NKAIN3: variants seen among roughly 807,000 people sequenced by gnomAD.
NKAIN3 encodes the protein sodium/potassium-transporting ATPase subunit beta-1-interacting protein 3.
A neutral mutation model predicts 30.2 loss-of-function variants in NKAIN3; 25 were observed. The ratio of observed to expected loss-of-function variants is 0.83; its 90% CI spans 0.60 to 1.16. The LOEUF is 1.16. NKAIN3 is among the 50% of genes most tolerant of loss of function. The pLI is 0.00. For synonymous variants in NKAIN3, 91 were observed against 89.6 expected (o/e 1.02, Z -0.09); for missense variants, 225 against 254.1 (o/e 0.89, Z 0.78).
At chr8:62,903,499 C>G (rs1026365188) in intron 4 of NKAIN3, among the ~76,000 whole-genome samples, 1 of 152,098 alleles carries the variant, frequency 6.6e-6, no homozygotes, top group East Asian at 1.9e-4. Flanking sequence ...CAAGATAGCA[C>G]AGATAGGCCT....
At chr8:62,571,567 G>A (rs1715991855) in intron 1 of NKAIN3, among the ~76,000 whole-genome samples, 1 of 152,090 alleles carries the variant, frequency 6.6e-6, no homozygotes, top group South Asian at 2.1e-4. Flanking sequence ...CTCTGCATGG[G>A]AGCGCCAACC....
At chr8:62,273,541 A>G (rs775712178) in intron 1 of NKAIN3, among the ~76,000 whole-genome samples, 30 of 152,308 alleles carry the variant, frequency 2.0e-4, no homozygotes, top group Admixed American at 1.0e-3. Flanking sequence ...TGCAGCAGAC[A>G]GTTCTTTCTG....
At chr8:62,717,542 C>G (rs557994356) in intron 3 of NKAIN3, among the ~76,000 whole-genome samples, 36 of 151,730 alleles carry the variant, frequency 2.4e-4, no homozygotes, top group African/African-American at 8.2e-4. Context: ...AATCATTATC[C>G]AGCTAATTTG....
chr8:62,318,137 T>A (rs567765622), intron 1 of NKAIN3, among the ~76,000 whole-genome samples: 302 of 152,296 alleles, frequency 2.0e-3, no homozygotes, highest in African/African-American at 6.3e-3. Flanking sequence ...TTGTATCCTG[T>A]GACTTTGCTG....
chr8:62,514,266 C>A (rs79164273), intron 1 of NKAIN3, among the ~76,000 whole-genome samples: 1 of 151,410 alleles, frequency 6.6e-6, no homozygotes, highest in South Asian at 2.1e-4. Flanking sequence ...TATAGATACT[C>A]GTTTTTTTTA....
chr8:62,452,383 G>A (rs1226260620), intron 1 of NKAIN3, among the ~76,000 whole-genome samples: 1 of 152,164 alleles, frequency 6.6e-6, no homozygotes, highest in Non-Finnish European at 1.5e-5. Context: ...GGCTGAGGCA[G>A]GAGAATCACT....
Position 62,870,276 on chromosome 8 carries a change from A to ATATATAGATATC in NKAIN3, c.472-48173_472-48172insTAGATATCTATA, listed in dbSNP as rs1820581559. Among the ~76,000 whole-genome samples, 18 of 103,068 alleles carry ATATATAGATATC rather than the reference A, an allele frequency of 1.7e-4. 1 individual carries two copies. The highest frequency in any genetic ancestry group is 1.1e-3 in the South Asian group (4 of 3,520). 67.6% of individuals were successfully genotyped at this position (103,068 alleles called of 152,430 possible). A position where few individuals can be genotyped will look rare whatever the true frequency, so the allele number is the denominator to read the frequency against. On this transcript the variant is annotated intron_variant, in intron 4 of 6. Transcript: ENST00000623646. ...TATATATATATCTATATATAGATAT[A>ATATATAGATATC]TATAAATATCTATAGATATATATAC... is the stretch of plus-strand genomic sequence containing the variant.
intron 5 of NKAIN3, among the ~76,000 whole-genome samples, chr8:62,938,955 A>G (rs59096768): frequency 0.071 from 10,755 of 152,324 alleles, 381 homozygotes; most frequent in South Asian, 0.13. Context: ...GGCTGTTCAA[A>G]GAGGCATCAG....
chr8:62,829,478 T>C (rs1819126799), intron 4 of NKAIN3, among the ~76,000 whole-genome samples: 1 of 152,018 alleles, frequency 6.6e-6, no homozygotes, highest in Non-Finnish European at 1.5e-5. Flanking sequence ...GCAAACCAGG[T>C]AGAGAGGTCC....
intron 1 of NKAIN3, among the ~76,000 whole-genome samples, chr8:62,417,996 G>A (rs1804505626): frequency 6.6e-6 from 1 of 152,138 alleles, no homozygotes; most frequent in African/African-American, 2.4e-5. Flanking sequence ...ATTCTATTTT[G>A]AGTATGATAT....
intron 5 of NKAIN3, among the ~76,000 whole-genome samples, chr8:62,993,303 T>A (rs1277403222): frequency 6.6e-6 from 1 of 152,216 alleles, no homozygotes; most frequent in African/African-American, 2.4e-5. Context: ...AACCTTTTAT[T>A]ACAAATAGTT....
At chr8:62,419,030 T>C (rs765081441) in intron 1 of NKAIN3, among the ~76,000 whole-genome samples, 8 of 152,112 alleles carry the variant, frequency 5.3e-5, no homozygotes, top group East Asian at 1.9e-4. Context: ...AAGTGGGTCA[T>C]TGAGTGGTGG....
chr8:62,544,844 ACAATGAAATAGT>A (rs1397181011), intron 1 of NKAIN3, among the ~76,000 whole-genome samples: 4 of 152,204 alleles, frequency 2.6e-5, no homozygotes, highest in Non-Finnish European at 2.9e-5. Context: ...GGAAGGCTTA[ACAATGAAATAGT>A]CATTTAACAC....
intron 5 of NKAIN3, among the ~76,000 whole-genome samples, chr8:62,951,172 G>A (rs908594703): frequency 3.7e-4 from 56 of 151,958 alleles, no homozygotes; most frequent in Non-Finnish European, 7.1e-4. Flanking sequence ...TGTGTGAGAG[G>A]CACTGAAATC....
intron 1 of NKAIN3, among the ~76,000 whole-genome samples, chr8:62,540,075 A>C (rs1326250811): frequency 2.0e-5 from 3 of 152,184 alleles, no homozygotes; most frequent in Non-Finnish European, 4.4e-5. Context: ...AGATACATCA[A>C]CATAATTTAA....
At chr8:62,426,521 T>C (rs1335329929) in intron 1 of NKAIN3, among the ~76,000 whole-genome samples, 1 of 151,948 alleles carries the variant, frequency 6.6e-6, no homozygotes, top group Non-Finnish European at 1.5e-5. Context: ...AAGTAGCCAT[T>C]TGCCTGTGGG....
At chr8:62,635,221 G>T (rs1035131047) in intron 3 of NKAIN3, among the ~76,000 whole-genome samples, 1 of 152,110 alleles carries the variant, frequency 6.6e-6, no homozygotes, top group African/African-American at 2.4e-5. Context: ...TATTTTAAAT[G>T]CTCTAAATAC....
chr8:62,679,056 C>G (rs567691413), intron 3 of NKAIN3, among the ~76,000 whole-genome samples: 43 of 152,200 alleles, frequency 2.8e-4, no homozygotes, highest in African/African-American at 9.9e-4. Context: ...ATTAGAGATC[C>G]CAGATTGGGA....
At chr8:62,690,552 G>A (rs970946077) in intron 3 of NKAIN3, among the ~76,000 whole-genome samples, 9 of 152,306 alleles carry the variant, frequency 5.9e-5, no homozygotes, top group African/African-American at 1.7e-4. Context: ...CAGCATTAGC[G>A]CCTCCGTGGA....
Sources: gnomAD v4.1 joint callset for allele counts (sites outside exome capture counted in the v4.1 genomes callset) on GRCh38, gnomAD v4.1.1 for gene constraint, MANE v1.5 for transcripts, NCBI Gene and HGNC (gene_info 2026-07-23, HGNC 2026-07-21) for gene names.